CNTN6: variants seen among roughly 807,000 people sequenced by gnomAD.
CNTN6 encodes the protein contactin-6.
CNTN6 carries 137 observed loss-of-function variants against 122.8 expected under a neutral mutation model. The observed-to-expected ratio is 1.12, with a 90% CI of 0.97 to 1.29. CNTN6 has a LOEUF of 1.29. Among genes scored for constraint, CNTN6 ranks in the 50% most tolerant of loss-of-function variants. The probability of loss-of-function intolerance (pLI) is 0.00; values close to 1 mark genes in which losing one functional copy is unlikely to be tolerated. For missense variants in CNTN6, 1,634 were observed against 1,223.4 expected (o/e 1.34, Z -5.01); for synonymous variants, 570 against 426.0 (o/e 1.34, Z -4.16).
At chr3:1,253,571 A>G (rs956958024) in intron 4 of CNTN6, among the ~76,000 whole-genome samples, 24 of 152,124 alleles carry the variant, frequency 1.6e-4, no homozygotes, top group African/African-American at 5.3e-4. Context: ...CTAAACTTCT[A>G]CCTGGTCATC....
intron 3 of CNTN6, among the ~76,000 whole-genome samples, chr3:1,224,506 A>G (rs1172329314): frequency 6.6e-6 from 1 of 152,204 alleles, no homozygotes; most frequent in Non-Finnish European, 1.5e-5. Flanking sequence ...AAATGCATAC[A>G]TGTATGAAAA....
At chr3:1,208,312 CCTTCCAGACTAGTTATATT>C (rs2125460029) in intron 2 of CNTN6, among the ~76,000 whole-genome samples, 1 of 152,196 alleles carries the variant, frequency 6.6e-6, no homozygotes, top group South Asian at 2.1e-4. Flanking sequence ...GACTCTCCTA[CCTTCCAGACTAGTTATATT>C]CTTTTGAATG....
chr3:1,238,339 C>A (rs911243315), intron 4 of CNTN6, among the ~76,000 whole-genome samples: 2 of 152,026 alleles, frequency 1.3e-5, no homozygotes, highest in African/African-American at 4.8e-5. Flanking sequence ...TTTAAACAAA[C>A]AAAGAGGGAC....
At chr3:1,257,490 A>G (rs908163947) in intron 4 of CNTN6, among the ~76,000 whole-genome samples, 8 of 152,052 alleles carry the variant, frequency 5.3e-5, no homozygotes, top group African/African-American at 1.4e-4. Context: ...GAGGCCTTCG[A>G]TTCACCTTGA....
intron 2 of CNTN6, among the ~76,000 whole-genome samples, chr3:1,205,890 C>A (rs192797763): frequency 1.3e-5 from 2 of 152,136 alleles, no homozygotes; most frequent in East Asian, 3.9e-4. Context: ...CAAAAGCAAA[C>A]AAGCAAAAAG....
intron 20 of CNTN6, among the ~76,000 whole-genome samples, chr3:1,389,111 T>C: frequency 6.9e-6 from 1 of 144,582 alleles, no homozygotes; most frequent in Admixed American, 6.9e-5. Flanking sequence ...CACATAATTG[T>C]CAGATTCACC....
chr3:1,147,885 G>C, intron 1 of CNTN6, 42 bp from the exon 2 acceptor site: 1 of 633,446 alleles, frequency 1.6e-6, no homozygotes, highest in East Asian at 2.6e-5. Context: ...AAATATTCGT[G>C]TTTGTACGTT....
chr3:1,388,374 A>G (rs1447461980), intron 20 of CNTN6, among the ~76,000 whole-genome samples: 3 of 149,354 alleles, frequency 2.0e-5, no homozygotes, highest in Non-Finnish European at 3.0e-5. Context: ...AGGAAAACTA[A>G]CAAACAGAAA....
intron 12 of CNTN6, among the ~76,000 whole-genome samples, chr3:1,361,269 A>G (rs1707424075): frequency 6.6e-6 from 1 of 152,136 alleles, no homozygotes; most frequent in African/African-American, 2.4e-5. Context: ...GAAACCCAGT[A>G]ATAGCTTCAA....
intron 2 of CNTN6, among the ~76,000 whole-genome samples, chr3:1,156,553 G>A (rs1036966479): frequency 6.6e-6 from 1 of 152,164 alleles, no homozygotes; most frequent in East Asian, 1.9e-4. Context: ...ATCTGATCTT[G>A]ATAGTGGGCA....
chr3:1,248,315 G>C (rs2094609278), intron 4 of CNTN6, among the ~76,000 whole-genome samples: 1 of 152,126 alleles, frequency 6.6e-6, no homozygotes, highest in South Asian at 2.1e-4. Context: ...AACCACATGA[G>C]TATTTCAAGT....
chr3:1,218,067 G>T (rs920381157), intron 2 of CNTN6, among the ~76,000 whole-genome samples: 2 of 152,170 alleles, frequency 1.3e-5, no homozygotes, highest in Admixed American at 6.5e-5. Flanking sequence ...CAGCAGTCCA[G>T]CCTGAGGTGC....
rs566749503 is a variant in CNTN6 at position 1,334,085 on chromosome 3, G to GCAGC, written c.1364+4152_1364+4155dup. Among the ~76,000 whole-genome samples, 1,199 of 152,252 alleles carry GCAGC rather than the reference G, an allele frequency of 7.9e-3. 3 individuals are homozygous for GCAGC. Among genetic ancestry groups the GCAGC allele is most frequent in the Non-Finnish European group, 0.012 (838 of 68,014 alleles). On this transcript the variant is annotated intron_variant, in intron 11 of 22. Transcript: ENST00000446702. Reference sequence around the variant, plus strand: ...CCTAAAGCAAGGATCTGTATTTATAGCAGCCTGTCAGAGGAGAAAAGTGTT... The same window carrying GCAGC: ...CCTAAAGCAAGGATCTGTATTTATAGCAGCCAGCCTGTCAGAGGAGAAAAGTGTT...
chr3:1,159,660 T>C lies in CNTN6; in HGVS notation c.55+11597T>C, dbSNP rs116687374. On this transcript the variant is annotated intron_variant, in intron 2 of 22. Transcript: ENST00000446702. ...TAAATACCTTAATATATTTATCTAG[T>C]ATAAATTGACAGAACAATTAATCTA... 8.8e-3 allele frequency among the ~76,000 whole-genome samples: 1,334 copies of C among 152,044 alleles called. 14 individuals are homozygous for C. Among genetic ancestry groups the C allele is most frequent in the African/African-American group, 0.03 (1,256 of 41,478 alleles).
In CNTN6 at chr3:1,199,175, C is replaced by CTTTTT. The variant is rs58536354; in HGVS notation, c.56-21498_56-21494dup. ...CCTGAACCATGAGAGACAATATATG[C>CTTTTT]TTTTTTTTTTTTTTTTTTCCTGAGA... is the stretch of plus-strand genomic sequence containing the variant. On this transcript the variant is annotated intron_variant, in intron 2 of 22. Coordinates refer to ENST00000446702, the MANE Select transcript of CNTN6 (RefSeq NM_001289080.2). Among the ~76,000 whole-genome samples, 45 of 124,144 alleles carry CTTTTT rather than the reference C, an allele frequency of 3.6e-4. No individual in the cohort carries two copies. The East Asian group carries it at 9.3e-3, about 26-fold the overall frequency. The allele number at this position is 124,144 out of a possible 152,430, so 81.4% of individuals were successfully genotyped here.
rs772211993 is a variant in CNTN6, at chr3:1,383,088, G to A, written c.2313G>A (p.Leu771=). 2 of 1,614,026 alleles carry A rather than the reference G, an allele frequency of 1.2e-6. No homozygotes were observed. Among genetic ancestry groups the A allele is most frequent in the Admixed American group, 1.7e-5 (1 of 59,996 alleles). ...ACAGAAATGAAAGCATCATCCCACT[G>A]TCTCCCTTTGAAGTCAAAGTGGGTG... is the stretch of plus-strand genomic sequence containing the variant. ...FVYRNESIIP[L]SPFEVKVGVY... Residue 771 remains leucine (L), a synonymous_variant, in exon 18 of 23, where the codon CTG becomes CTA. Transcript: ENST00000446702.
intron 3 of CNTN6, among the ~76,000 whole-genome samples, chr3:1,225,578 A>G (rs767086751): frequency 6.6e-6 from 1 of 152,318 alleles, no homozygotes; most frequent in Non-Finnish European, 1.5e-5. Context: ...TTTGAAAACG[A>G]TAGGGAACAT....
chr3:1,388,126 A>T (rs1693399394), intron 20 of CNTN6, among the ~76,000 whole-genome samples: 1 of 152,044 alleles, frequency 6.6e-6, no homozygotes, highest in Non-Finnish European at 1.5e-5. Context: ...GACAAACAAA[A>T]AGACAGCAGT....
At chr3:1,234,638 A>G (rs2094398830) in intron 4 of CNTN6, among the ~76,000 whole-genome samples, 1 of 152,208 alleles carries the variant, frequency 6.6e-6, no homozygotes, top group African/African-American at 2.4e-5. Context: ...TTAAGTGGGT[A>G]ATGCATACCT....
Sources: gnomAD v4.1 joint callset for allele counts (sites outside exome capture counted in the v4.1 genomes callset) on GRCh38, gnomAD v4.1.1 for gene constraint, MANE v1.5 for transcripts, NCBI Gene and HGNC (gene_info 2026-07-23, HGNC 2026-07-21) for gene names.